The following ANKRD11 variants were observed in gnomAD, a reference collection of about 807,000 sequenced individuals.
ANKRD11 encodes ankyrin repeat domain-containing protein 11.
In ANKRD11, 17 loss-of-function variants were observed where a neutral mutation model predicts 195.7. The ratio of observed to expected loss-of-function variants is 0.09; its 90% CI spans 0.06 to 0.13. ANKRD11 has a LOEUF of 0.13. ANKRD11 is among the 10% of genes least tolerant of loss of function. The pLI, the probability that ANKRD11 is intolerant of heterozygous loss-of-function variation, is 1.00. For missense variants in ANKRD11, 3,735 were observed against 3,566.1 expected (o/e 1.05, Z -1.21); for synonymous variants, 1,953 against 1,528.1 (o/e 1.28, Z -6.49).
intron 6 of ANKRD11, 91 bp from the exon 7 acceptor site, chr16:89,288,761 C>CGG: frequency 6.3e-7 from 1 of 1,590,064 alleles, no homozygotes; most frequent in Non-Finnish European, 8.6e-7. Flanking sequence ...TGCTACAGTG[C>CGG]GGGGACAAGC....
At chr16:89,475,688 T>A (rs1367354728) in intron 1 of ANKRD11, among the ~76,000 whole-genome samples, 1 of 152,192 alleles carries the variant, frequency 6.6e-6, no homozygotes, top group East Asian at 1.9e-4. Flanking sequence ...AATTCTGTTC[T>A]ATGCTGTGAT....
intron 1 of ANKRD11, among the ~76,000 whole-genome samples, chr16:89,487,878 T>C (rs767948910): frequency 2.0e-5 from 3 of 151,998 alleles, no homozygotes; most frequent in Non-Finnish European, 2.9e-5. Flanking sequence ...GGAGTTCTAC[T>C]TGCCACCGTA....
At chr16:89,300,862 A>T (rs1384946504) in intron 4 of ANKRD11, 1 of 702,264 alleles carries the variant, frequency 1.4e-6, no homozygotes, top group African/African-American at 1.7e-5. Flanking sequence ...CCCTTGTTCC[A>T]AAGAAACATC....
intron 2 of ANKRD11, among the ~76,000 whole-genome samples, chr16:89,391,111 C>A (rs968730613): frequency 1.3e-5 from 2 of 151,638 alleles, no homozygotes; most frequent in Admixed American, 1.3e-4. Flanking sequence ...GCCTGTAGTC[C>A]CAGCTACTCG....
chr16:89,294,315 A>G (rs989718058), intron 4 of ANKRD11, among the ~76,000 whole-genome samples: 1 of 152,118 alleles, frequency 6.6e-6, no homozygotes, highest in Non-Finnish European at 1.5e-5. Context: ...ACACTCAGGA[A>G]AAGCTTGCTC....
chr16:89,301,485 G>C, intron 4 of ANKRD11: 1 of 398,678 alleles, frequency 2.5e-6, no homozygotes, highest in Non-Finnish European at 4.4e-6. Flanking sequence ...GGGCAGGCAA[G>C]ATGGGCTAGA....
chr16:89,462,412 C>A (rs1186156710), intron 1 of ANKRD11, among the ~76,000 whole-genome samples: 6 of 152,248 alleles, frequency 3.9e-5, no homozygotes, highest in African/African-American at 1.4e-4. Flanking sequence ...ATGATCTCGG[C>A]TCGCTACAAC....
chr16:89,344,135 G>A (rs1013924581), intron 2 of ANKRD11, among the ~76,000 whole-genome samples: 2 of 152,190 alleles, frequency 1.3e-5, no homozygotes, highest in Non-Finnish European at 2.9e-5. Context: ...AAACCCTGGA[G>A]TCTGTGCTCT....
At chr16:89,412,782 A>C (rs1191982542) in intron 2 of ANKRD11, among the ~76,000 whole-genome samples, 3 of 152,192 alleles carry the variant, frequency 2.0e-5, no homozygotes, top group Non-Finnish European at 4.4e-5. Context: ...CATGAGAATC[A>C]CTGTAGTTAA....
intron 3 of ANKRD11, among the ~76,000 whole-genome samples, chr16:89,310,567 A>G (rs2036555137): frequency 1.3e-5 from 2 of 152,186 alleles, no homozygotes; most frequent in African/African-American, 2.4e-5. Context: ...TTCCTGATCT[A>G]TGAATATTGT....
intron 2 of ANKRD11, among the ~76,000 whole-genome samples, chr16:89,320,757 G>A (rs1031612908): frequency 8.5e-5 from 13 of 152,244 alleles, no homozygotes; most frequent in Admixed American, 8.5e-4. Flanking sequence ...TCAGCCCAGC[G>A]GAGTGGACAG....
intron 1 of ANKRD11, among the ~76,000 whole-genome samples, chr16:89,444,090 C>A (rs181516594): frequency 2.0e-5 from 3 of 152,280 alleles, no homozygotes; most frequent in East Asian, 3.9e-4. Context: ...AAATAAATAA[C>A]AACTCACTTC....
chr16:89,466,835 G>C (rs1342761540), intron 1 of ANKRD11, among the ~76,000 whole-genome samples: 5 of 152,298 alleles, frequency 3.3e-5, no homozygotes, highest in Admixed American at 2.0e-4. Flanking sequence ...CCCGCAACTC[G>C]GGCATGTTCG....
chr16:89,350,681 T>C (rs1484453118), intron 2 of ANKRD11, among the ~76,000 whole-genome samples: 2 of 152,128 alleles, frequency 1.3e-5, no homozygotes, highest in Non-Finnish European at 2.9e-5. Flanking sequence ...GGAACTTTCT[T>C]GGGGTGATGG....
chr16:89,460,449 C>T (rs1239310462), intron 1 of ANKRD11, among the ~76,000 whole-genome samples: 2 of 152,100 alleles, frequency 1.3e-5, no homozygotes, highest in Admixed American at 1.3e-4. Context: ...ATCCCAGCTA[C>T]TCAGGAGGCT....
intron 2 of ANKRD11, among the ~76,000 whole-genome samples, chr16:89,334,667 C>T (rs1469864091): frequency 6.6e-6 from 1 of 152,106 alleles, no homozygotes; most frequent in African/African-American, 2.4e-5. Flanking sequence ...GCCACATCCA[C>T]GAGGGCCCAG....
At chr16:89,399,761 T>C (rs1045577564) in intron 2 of ANKRD11, among the ~76,000 whole-genome samples, 1 of 151,988 alleles carries the variant, frequency 6.6e-6, no homozygotes, top group African/African-American at 2.4e-5. Context: ...CTGTAATTTA[T>C]GTTCTATTTT....
chr16:89,487,079 G>A (rs904298486), intron 1 of ANKRD11, among the ~76,000 whole-genome samples: 27 of 151,314 alleles, frequency 1.8e-4, no homozygotes, highest in Admixed American at 5.9e-4. Context: ...AAAATTTCAA[G>A]ACAATAACTT....
rs148945503 is a variant in ANKRD11 at position 89,432,356 on chromosome 16, C to T, written c.-144-13988G>A. ...ACACTCCAGTGTTTCCCCAGGCTGG[C>T]AGCCGCTGTTTGTGACCTCAGGACC... On this transcript the variant is annotated intron_variant, in intron 1 of 12. Coordinates refer to ENST00000301030, the MANE Select transcript of ANKRD11 (RefSeq NM_013275.6). Among the ~76,000 whole-genome samples the T allele has an allele frequency of 2.8e-3, 419 of 152,186 alleles. 3 individuals are homozygous for T. The highest frequency in any genetic ancestry group is 0.017 in the East Asian group (90 of 5,164).
Sources: allele counts gnomAD v4.1 joint callset (sites outside exome capture counted in the v4.1 genomes callset), GRCh38; gene constraint gnomAD v4.1.1; transcripts MANE v1.5; gene names NCBI Gene and HGNC (gene_info 2026-07-23, HGNC 2026-07-21).